Variants in ULK4 observed in about 807,000 individuals in gnomAD.
The protein encoded by ULK4 is inactive serine/threonine-protein kinase ULK4.
In ULK4, 133 loss-of-function variants were observed where a neutral mutation model predicts 160.6. The observed-to-expected ratio is 0.83, with a 90% CI of 0.72 to 0.96. The LOEUF is 0.96. Ranked by LOEUF, ULK4 falls within the 40% of genes least tolerant of loss-of-function variation. The probability of loss-of-function intolerance (pLI) is 0.00; values close to 1 mark genes in which losing one functional copy is unlikely to be tolerated. For synonymous variants in ULK4, 534 were observed against 539.8 expected (o/e 0.99, Z 0.15); for missense variants, 1,580 against 1,499.5 (o/e 1.05, Z -0.89).
chr3:41,476,329 T>C (rs1261126630), intron 32 of ULK4, among the ~76,000 whole-genome samples: 1 of 152,194 alleles, frequency 6.6e-6, no homozygotes, highest in African/African-American at 2.4e-5. Flanking sequence ...GTAGAAACTT[T>C]TGGTATGGAG....
At chr3:41,787,834 G>C (rs1427457145) in intron 21 of ULK4, among the ~76,000 whole-genome samples, 1 of 152,150 alleles carries the variant, frequency 6.6e-6, no homozygotes, top group Non-Finnish European at 1.5e-5. Context: ...ATGTGGAATA[G>C]TAGTTATATA....
At chr3:41,496,448 AT>A (rs2084993794) in intron 32 of ULK4, among the ~76,000 whole-genome samples, 2 of 152,032 alleles carry the variant, frequency 1.3e-5, no homozygotes, top group Non-Finnish European at 2.9e-5. Flanking sequence ...CCACCCCAGC[AT>A]TTTGTCTGGA....
chr3:41,413,175 C>G (rs183008490), intron 34 of ULK4, among the ~76,000 whole-genome samples: 6 of 152,110 alleles, frequency 3.9e-5, no homozygotes, highest in African/African-American at 1.2e-4. Flanking sequence ...CATCAGCTCT[C>G]GTGAGACTTA....
At chr3:41,481,979 C>T (rs1258271928) in intron 32 of ULK4, among the ~76,000 whole-genome samples, 1 of 151,940 alleles carries the variant, frequency 6.6e-6, no homozygotes, top group Non-Finnish European at 1.5e-5. Context: ...TGTTGTTGTG[C>T]TATATATAAA....
At chr3:41,347,562 T>C (rs1260614261) in intron 35 of ULK4, among the ~76,000 whole-genome samples, 1 of 152,106 alleles carries the variant, frequency 6.6e-6, no homozygotes, top group Non-Finnish European at 1.5e-5. Context: ...CTTATATATA[T>C]ATGGTTCTCC....
chr3:41,896,671 T>G, intron 15 of ULK4, 151 bp downstream of exon 15: 1 of 829,688 alleles, frequency 1.2e-6, no homozygotes, highest in Non-Finnish European at 1.8e-6. Context: ...CTTTAGGACC[T>G]AAGGATTAAG....
intron 31 of ULK4, among the ~76,000 whole-genome samples, chr3:41,588,893 C>T (rs2031038503): frequency 1.3e-5 from 2 of 152,248 alleles, no homozygotes; most frequent in South Asian, 2.1e-4. Flanking sequence ...AAGACTCAAT[C>T]GCTATTTCCA....
intron 34 of ULK4, among the ~76,000 whole-genome samples, chr3:41,448,944 G>A (rs1229467907): frequency 6.6e-6 from 1 of 151,746 alleles, no homozygotes; most frequent in African/African-American, 2.4e-5. Flanking sequence ...GGAGTGCAAC[G>A]GCACCATCTC....
chr3:41,807,856 C>G (rs777199804), intron 19 of ULK4, among the ~76,000 whole-genome samples: 1 of 152,126 alleles, frequency 6.6e-6, no homozygotes, highest in Non-Finnish European at 1.5e-5. Flanking sequence ...CACTTCTAGC[C>G]TCTCTCTGTT....
chr3:41,938,314 T>C (rs1236509795), intron 2 of ULK4, 117 bp from the exon 3 acceptor site: 2 of 722,136 alleles, frequency 2.8e-6, no homozygotes, highest in African/African-American at 3.6e-5. Flanking sequence ...ATTTATTTGG[T>C]GGAATTCTAT....
chr3:41,801,935 A>G (rs988030712), intron 19 of ULK4, among the ~76,000 whole-genome samples: 1 of 152,072 alleles, frequency 6.6e-6, no homozygotes, highest in African/African-American at 2.4e-5. Context: ...GAGAGGAACA[A>G]TGATAAGGCT....
intron 34 of ULK4, among the ~76,000 whole-genome samples, chr3:41,441,198 G>A (rs1196351568): frequency 6.6e-6 from 1 of 151,900 alleles, no homozygotes; most frequent in Non-Finnish European, 1.5e-5. Flanking sequence ...GGTTTAATTT[G>A]CTCTTCTTTT....
chr3:41,530,657 C>T (rs2086275891), intron 32 of ULK4, among the ~76,000 whole-genome samples: 2 of 152,190 alleles, frequency 1.3e-5, no homozygotes, highest in African/African-American at 4.8e-5. Context: ...ATTTTTGCTT[C>T]ATTTCACTGA....
chr3:41,316,467 A>G (rs1399748305), intron 35 of ULK4, among the ~76,000 whole-genome samples: 1 of 152,238 alleles, frequency 6.6e-6, no homozygotes, highest in Non-Finnish European at 1.5e-5. Context: ...TTTACAGCAA[A>G]ATGGATGAAG....
At chr3:41,334,192 G>A (rs1317339260) in intron 35 of ULK4, among the ~76,000 whole-genome samples, 1 of 152,120 alleles carries the variant, frequency 6.6e-6, no homozygotes, top group Non-Finnish European at 1.5e-5. Flanking sequence ...AACACGGAGG[G>A]CTTGTCACAG....
At chr3:41,512,628 CACAA>C (rs2085617709) in intron 32 of ULK4, among the ~76,000 whole-genome samples, 1 of 152,118 alleles carries the variant, frequency 6.6e-6, no homozygotes, top group South Asian at 2.1e-4. Context: ...TAATAGACAA[CACAA>C]ACAAATGTAA....
chr3:41,575,181 G>A (rs368524127), intron 31 of ULK4, among the ~76,000 whole-genome samples: 1 of 152,232 alleles, frequency 6.6e-6, no homozygotes, highest in South Asian at 2.1e-4. Flanking sequence ...AACTGAAAGG[G>A]CACAGGCTAA....
intron 30 of ULK4, among the ~76,000 whole-genome samples, chr3:41,641,781 C>A (rs923387494): frequency 6.6e-6 from 1 of 151,480 alleles, no homozygotes; most frequent in Non-Finnish European, 1.5e-5. Context: ...CATATTTTTC[C>A]CAATTACCCA....
At chr3:41,724,443 A>G (rs1488345956) in intron 22 of ULK4, among the ~76,000 whole-genome samples, 1 of 152,096 alleles carries the variant, frequency 6.6e-6, no homozygotes, top group African/African-American at 2.4e-5. Flanking sequence ...CCAGTTTTTC[A>G]GCCAGGCGCG....
Sources: allele counts gnomAD v4.1 joint callset (sites outside exome capture counted in the v4.1 genomes callset), GRCh38; gene constraint gnomAD v4.1.1; transcripts MANE v1.5; gene names NCBI Gene and HGNC (gene_info 2026-07-23, HGNC 2026-07-21).